Variants in NXPE2 observed in about 807,000 individuals in gnomAD.
NXPE2 encodes the protein NXPE family member 2.
Under a neutral mutation model 34.4 loss-of-function variants are expected in NXPE2, and 34 were observed. The observed-to-expected ratio is 0.99, with a 90% CI of 0.75 to 1.31. The LOEUF (loss-of-function observed/expected upper bound fraction) is 1.31. Ranked by LOEUF, NXPE2 falls within the 40% of genes most tolerant of loss-of-function variation. NXPE2 has a pLI of 0.00. For missense variants in NXPE2, 649 were observed against 672.5 expected (o/e 0.97, Z 0.39); for synonymous variants, 235 against 231.3 (o/e 1.02, Z -0.15).
the NXPE2 span, among the ~76,000 whole-genome samples, chr11:114,540,925 T>C: frequency 3.4e-4 from 43 of 125,076 alleles, 1 homozygote; most frequent in Non-Finnish European, 1.1e-4. Context: ...AGCAACACAG[T>C]CACTGGATGG....
chr11:114,762,888 C>T, the NXPE2 span, among the ~76,000 whole-genome samples: 1 of 152,080 alleles, frequency 6.6e-6, no homozygotes, highest in Non-Finnish European at 1.5e-5. Flanking sequence ...ACCCCCAAGC[C>T]AGTGTCCATC....
the NXPE2 span, chr11:114,580,108 A>C: frequency 6.3e-7 from 1 of 1,586,446 alleles, no homozygotes; most frequent in Non-Finnish European, 8.7e-7. Context: ...AGGGGTAAGA[A>C]TTATAGCTTA....
chr11:114,582,396 A>C, the NXPE2 span: 1 of 1,614,220 alleles, frequency 6.2e-7, no homozygotes, highest in East Asian at 2.2e-5. Context: ...CACACAGTAG[A>C]AGCCTTCTTG....
the NXPE2 span, among the ~76,000 whole-genome samples, chr11:114,800,559 C>T: frequency 3.9e-5 from 6 of 152,138 alleles, no homozygotes; most frequent in Non-Finnish European, 7.3e-5. Context: ...CTGCAAACCT[C>T]GTACCTAGTA....
chr11:114,588,575 G>T, the NXPE2 span, among the ~76,000 whole-genome samples: 1 of 152,062 alleles, frequency 6.6e-6, no homozygotes, highest in Non-Finnish European at 1.5e-5. Flanking sequence ...GAAGAAATAG[G>T]GGAGCCATCA....
At chr11:114,608,409 C>G in the NXPE2 span, among the ~76,000 whole-genome samples, 1 of 151,890 alleles carries the variant, frequency 6.6e-6, no homozygotes, top group Non-Finnish European at 1.5e-5. Flanking sequence ...CCACTGTTAC[C>G]TGGTAGATAA....
chr11:114,664,894 C>T, the NXPE2 span, among the ~76,000 whole-genome samples: 6 of 152,148 alleles, frequency 3.9e-5, no homozygotes, highest in Non-Finnish European at 7.4e-5. Flanking sequence ...TGATTTTGCC[C>T]AGCTGTTGGC....
downstream of NXPE2, among the ~76,000 whole-genome samples, chr11:114,711,694 A>C (rs895943267): frequency 1.3e-4 from 20 of 152,178 alleles, no homozygotes; most frequent in African/African-American, 4.8e-4. Flanking sequence ...AGCAATCTAC[A>C]GCTCCAGTGC....
intron 2 of NXPE2, among the ~76,000 whole-genome samples, chr11:114,684,201 G>A (rs558155023): frequency 6.6e-6 from 1 of 152,150 alleles, no homozygotes; most frequent in East Asian, 1.9e-4. Flanking sequence ...GCCGAGGCGG[G>A]CAGATCACAA....
At chr11:114,754,166 G>T in the NXPE2 span, among the ~76,000 whole-genome samples, 11 of 152,232 alleles carry the variant, frequency 7.2e-5, no homozygotes, top group South Asian at 2.1e-3. Flanking sequence ...TGAAATTATT[G>T]TTGCTAATTC....
At chr11:114,785,521 T>C in the NXPE2 span, among the ~76,000 whole-genome samples, 1 of 152,226 alleles carries the variant, frequency 6.6e-6, no homozygotes, top group Non-Finnish European at 1.5e-5. Context: ...ATATTAATTC[T>C]ATTAGCAGTT....
the NXPE2 span, chr11:114,530,294 G>A: frequency 6.2e-7 from 1 of 1,614,220 alleles, no homozygotes; most frequent in Non-Finnish European, 8.5e-7. Flanking sequence ...AGGCTTCTTG[G>A]TCTCTGTCAT....
the NXPE2 span, among the ~76,000 whole-genome samples, chr11:114,785,206 C>T: frequency 6.6e-6 from 1 of 152,056 alleles, no homozygotes; most frequent in Non-Finnish European, 1.5e-5. Flanking sequence ...AGTGAAATTA[C>T]ACTCAATGCT....
chr11:114,633,370 T>C, the NXPE2 span, among the ~76,000 whole-genome samples: 1 of 143,268 alleles, frequency 7.0e-6, no homozygotes, highest in Non-Finnish European at 1.5e-5. Flanking sequence ...TACTATATAA[T>C]ATATTATGTA....
the NXPE2 span, among the ~76,000 whole-genome samples, chr11:114,616,984 T>C: frequency 6.8e-6 from 1 of 146,954 alleles, no homozygotes; most frequent in Non-Finnish European, 1.5e-5. Context: ...TAGTGTTTCC[T>C]TGTGGGTAAC....
the NXPE2 span, among the ~76,000 whole-genome samples, chr11:114,739,350 C>T: frequency 2.8e-3 from 204 of 73,886 alleles, 3 homozygotes; most frequent in Middle Eastern, 6.0e-3. Flanking sequence ...CCCCCTTCCT[C>T]TCTCCCTCCC....
the NXPE2 span, among the ~76,000 whole-genome samples, chr11:114,798,309 A>G: frequency 6.6e-6 from 1 of 152,044 alleles, no homozygotes; most frequent in Non-Finnish European, 1.5e-5. Context: ...AATTGGACAA[A>G]CTTTTAATGA....
chr11:114,668,385 TA>T, the NXPE2 span, among the ~76,000 whole-genome samples: 1 of 151,684 alleles, frequency 6.6e-6, no homozygotes, highest in African/African-American at 2.4e-5. Flanking sequence ...TATGAGATAA[TA>T]AATGTTTATT....
chr11:114,665,401 T>C, the NXPE2 span, among the ~76,000 whole-genome samples: 2 of 152,158 alleles, frequency 1.3e-5, no homozygotes, highest in Admixed American at 6.6e-5. Flanking sequence ...TCTGTGAACA[T>C]AGCACAACCT....
Sources: gnomAD v4.1 joint callset for allele counts (sites outside exome capture counted in the v4.1 genomes callset) on GRCh38, gnomAD v4.1.1 for gene constraint, MANE v1.5 for transcripts, NCBI Gene and HGNC (gene_info 2026-07-23, HGNC 2026-07-21) for gene names.